The following QTGAL variants were observed in gnomAD, a reference collection of about 807,000 sequenced individuals.
QTGAL encodes BGnT-like protein 1.
chr17:83,030,894 C>T, the QTGAL span: 30 of 152,392 alleles, frequency 2.0e-4, no homozygotes, highest in Middle Eastern at 3.4e-3. Context: ...GCTCTCCACC[C>T]TGGGAACCCT....
At chr17:82,979,094 C>A in the QTGAL span, among the ~76,000 whole-genome samples, 2 of 151,818 alleles carry the variant, frequency 1.3e-5, no homozygotes, top group Admixed American at 6.6e-5. Context: ...CAAAATGACA[C>A]CCCAAAGCAA....
At chr17:82,951,413 A>C in the QTGAL span, among the ~76,000 whole-genome samples, 2 of 152,196 alleles carry the variant, frequency 1.3e-5, no homozygotes, top group African/African-American at 4.8e-5. Context: ...TTCAGCCTTC[A>C]CAGAATTGAA....
the QTGAL span, among the ~76,000 whole-genome samples, chr17:83,019,938 T>C: frequency 5.9e-5 from 9 of 152,138 alleles, no homozygotes; most frequent in Non-Finnish European, 1.3e-4. Flanking sequence ...TTCACCACGT[T>C]GGCCAGGCTG....
At chr17:83,031,241 C>T in the QTGAL span, among the ~76,000 whole-genome samples, 19 of 152,322 alleles carry the variant, frequency 1.2e-4, no homozygotes, top group Non-Finnish European at 2.5e-4. Context: ...AACTCAGCGA[C>T]GGCCGCCAGA....
chr17:83,007,352 G>T, the QTGAL span: 1 of 843,212 alleles, frequency 1.2e-6, no homozygotes, highest in Non-Finnish European at 1.4e-6. Flanking sequence ...CTGTTTCTGT[G>T]CATCCTGCAT....
the QTGAL span, among the ~76,000 whole-genome samples, chr17:82,994,993 T>G: frequency 6.6e-6 from 1 of 152,198 alleles, no homozygotes; most frequent in Non-Finnish European, 1.5e-5. Flanking sequence ...CAACATCTCT[T>G]CATGATTAAA....
the QTGAL span, among the ~76,000 whole-genome samples, chr17:82,966,120 T>C: frequency 6.6e-6 from 1 of 151,590 alleles, no homozygotes; most frequent in Non-Finnish European, 1.5e-5. Flanking sequence ...TGTCACTCTG[T>C]TGCTCAGGCT....
the QTGAL span, chr17:82,944,121 T>G: frequency 6.6e-6 from 1 of 152,242 alleles, no homozygotes; most frequent in East Asian, 1.9e-4. Flanking sequence ...TAAAAGAAGA[T>G]TCCAGATAAA....
chr17:83,041,383 A>G, the QTGAL span, among the ~76,000 whole-genome samples: 1 of 152,274 alleles, frequency 6.6e-6, no homozygotes, highest in African/African-American at 2.4e-5. Flanking sequence ...TCATCTACAC[A>G]TCCAGGAAGC....
At chr17:82,961,016 T>G in the QTGAL span, 1 of 1,586,156 alleles carries the variant, frequency 6.3e-7, no homozygotes, top group Admixed American at 1.8e-5. Flanking sequence ...CCCGTGTTCC[T>G]GGCCTCTCAG....
At chr17:82,964,034 G>GGGGC in the QTGAL span, among the ~76,000 whole-genome samples, 1 of 139,468 alleles carries the variant, frequency 7.2e-6, no homozygotes, top group African/African-American at 2.5e-5. Context: ...AGGTCGGGGG[G>GGGGC]GTGGATTGCT....
chr17:83,038,032 G>A, the QTGAL span, among the ~76,000 whole-genome samples: 1 of 152,034 alleles, frequency 6.6e-6, no homozygotes, highest in African/African-American at 2.4e-5. Context: ...CTTCATTTTG[G>A]TTTTAGCAAG....
At chr17:82,973,416 A>G in the QTGAL span, among the ~76,000 whole-genome samples, 2 of 152,334 alleles carry the variant, frequency 1.3e-5, no homozygotes, top group African/African-American at 4.8e-5. Flanking sequence ...AACTGATAAC[A>G]TTTCAGTCTT....
At chr17:83,002,209 C>CT in the QTGAL span, among the ~76,000 whole-genome samples, 2 of 152,048 alleles carry the variant, frequency 1.3e-5, no homozygotes, top group South Asian at 2.1e-4. Flanking sequence ...GGCATCAAAG[C>CT]TAACACTCAG....
the QTGAL span, among the ~76,000 whole-genome samples, chr17:83,030,468 T>C: frequency 0.18 from 28,127 of 152,216 alleles, 2,960 homozygotes; most frequent in African/African-American, 0.29. Flanking sequence ...GCCTTGGGCG[T>C]TGCAGGCTGT....
At chr17:82,989,881 C>A in the QTGAL span, among the ~76,000 whole-genome samples, 2 of 152,198 alleles carry the variant, frequency 1.3e-5, no homozygotes, top group African/African-American at 4.8e-5. Flanking sequence ...AAAAAGTATA[C>A]CACAGGAGTA....
the QTGAL span, chr17:82,944,203 T>C: frequency 6.6e-6 from 1 of 151,892 alleles, no homozygotes; most frequent in Non-Finnish European, 1.5e-5. Flanking sequence ...GGCAAAGCAG[T>C]TCTTCTTTTA....
At chr17:83,011,028 T>C in the QTGAL span, among the ~76,000 whole-genome samples, 1 of 152,256 alleles carries the variant, frequency 6.6e-6, no homozygotes, top group Non-Finnish European at 1.5e-5. Flanking sequence ...AGATCAGCTC[T>C]GGAAAGGAGC....
the QTGAL span, among the ~76,000 whole-genome samples, chr17:82,964,033 G>GGGGGGA: frequency 1.3e-5 from 2 of 150,872 alleles, no homozygotes; most frequent in African/African-American, 4.9e-5. Context: ...GAGGTCGGGG[G>GGGGGGA]GGTGGATTGC....
Sources: allele counts gnomAD v4.1 joint callset (sites outside exome capture counted in the v4.1 genomes callset), GRCh38; gene constraint gnomAD v4.1.1; transcripts MANE v1.5; gene names NCBI Gene and HGNC (gene_info 2026-07-23, HGNC 2026-07-21).